CDH7: variants seen among roughly 807,000 people sequenced by gnomAD.
CDH7 encodes the protein cadherin 7.
Under a neutral mutation model 71.8 loss-of-function variants are expected in CDH7, and 25 were observed. That is an observed-to-expected ratio of 0.35 (90% confidence interval 0.25 to 0.49). CDH7 has a LOEUF of 0.49. CDH7 is among the 20% of genes least tolerant of loss of function. The probability of loss-of-function intolerance (pLI) is 0.99; values close to 1 mark genes in which losing one functional copy is unlikely to be tolerated. For synonymous variants in CDH7, 381 were observed against 363.8 expected (o/e 1.05, Z -0.54); for missense variants, 862 against 974.6 (o/e 0.88, Z 1.54).
chr18:65,799,779 CA>C, intron 2 of CDH7, among the ~76,000 whole-genome samples: 1 of 152,240 alleles, frequency 6.6e-6, no homozygotes, highest in South Asian at 2.1e-4. Flanking sequence ...GAATACTCCC[CA>C]AATTAGCTTC....
chr18:65,773,268 T>G (rs1916598351), intron 2 of CDH7, among the ~76,000 whole-genome samples: 1 of 152,178 alleles, frequency 6.6e-6, no homozygotes, highest in Non-Finnish European at 1.5e-5. Context: ...TCACAGGTAA[T>G]GATTTTATCA....
chr18:65,841,895 CA>C, intron 6 of CDH7, among the ~76,000 whole-genome samples: 1 of 151,866 alleles, frequency 6.6e-6, no homozygotes, highest in East Asian at 1.9e-4. Flanking sequence ...AATAAACAAA[CA>C]AAAAATGTTA....
At chr18:65,855,807 C>G (rs891108529) in intron 7 of CDH7, among the ~76,000 whole-genome samples, 3 of 152,064 alleles carry the variant, frequency 2.0e-5, no homozygotes, top group Admixed American at 2.0e-4. Flanking sequence ...AAACTTTGAT[C>G]AAGACTTTCA....
intron 11 of CDH7, chr18:65,864,213 A>T (rs1226230147): frequency 6.6e-6 from 1 of 152,200 alleles, no homozygotes; most frequent in Non-Finnish European, 1.5e-5. Flanking sequence ...TTAAAGTTTG[A>T]AAAAGGTAGA....
intron 2 of CDH7, among the ~76,000 whole-genome samples, chr18:65,767,782 T>G (rs1444766072): frequency 6.6e-6 from 1 of 152,342 alleles, no homozygotes; most frequent in South Asian, 2.1e-4. Flanking sequence ...TTTTTAGAAA[T>G]ACTTCTTGGC....
rs150984865 is a variant in CDH7 at position 65,806,268 on chromosome 18, C to T, written c.211-3436C>T. ...CTAGATTCAGCTAAGGATTCTATGC[C>T]TCTCACTTTTTGTGCTCATTTGAAA... On this transcript the variant is annotated intron_variant, in intron 2 of 11. Transcript: ENST00000397968. 3.9e-3 allele frequency among the ~76,000 whole-genome samples: 582 copies of T among 150,320 alleles called. 6 individuals are homozygous for T. Among genetic ancestry groups the T allele is most frequent in the African/African-American group, 8.1e-3 (329 of 40,702 alleles).
At chr18:65,865,783 G>A (rs552288687) in intron 11 of CDH7, 58 of 152,268 alleles carry the variant, frequency 3.8e-4, no homozygotes, top group African/African-American at 1.3e-3. Flanking sequence ...TTCACAGGGG[G>A]TGCATGTGGG....
chr18:65,755,408 T>G (rs1049441339), intron 1 of CDH7, among the ~76,000 whole-genome samples: 1 of 152,196 alleles, frequency 6.6e-6, no homozygotes. Context: ...GCAGCAGAAT[T>G]TGAAGATTTT....
intron 2 of CDH7, among the ~76,000 whole-genome samples, chr18:65,781,980 C>CTT (rs1215921566): frequency 2.8e-5 from 2 of 70,912 alleles, no homozygotes; most frequent in African/African-American, 1.0e-4. Flanking sequence ...CTCTCTCTCT[C>CTT]TCTCTCTTTC....
At chr18:65,841,528 A>G (rs116257244) in intron 6 of CDH7, among the ~76,000 whole-genome samples, 1,530 of 152,312 alleles carry the variant, frequency 0.01, 26 homozygotes, top group African/African-American at 0.035. Flanking sequence ...TCTTATAGTT[A>G]GTAATTTTTA....
At position 65,837,293 on chromosome 18, in the gene CDH7, C is replaced by T. The variant is rs1420396261; in HGVS notation, c.982-6519C>T. Among the ~76,000 whole-genome samples the T allele has an allele frequency of 5.9e-5, 9 of 152,234 alleles. No individual in the cohort carries two copies. In the East Asian group the frequency reaches 1.7e-3, roughly 29 times the overall value. On this transcript the variant is annotated intron_variant, in intron 6 of 11. Transcript: ENST00000397968. ...AGAAACGAGACTCAGTCCAAACTCA[C>T]CTTGGCTAAAGCAAAGGGCTGCAGA...
intron 6 of CDH7, among the ~76,000 whole-genome samples, chr18:65,836,969 G>A (rs1912551951): frequency 6.6e-6 from 1 of 152,128 alleles, no homozygotes; most frequent in African/African-American, 2.4e-5. Context: ...TGGCTGCAGA[G>A]AATACACAGA....
intron 11 of CDH7, among the ~76,000 whole-genome samples, chr18:65,874,422 A>C (rs1914014154): frequency 6.6e-6 from 1 of 151,974 alleles, no homozygotes; most frequent in African/African-American, 2.4e-5. Context: ...TAGCCTTAGA[A>C]AGCCAAATAC....
At chr18:65,869,059 G>A (rs1184684619) in intron 11 of CDH7, among the ~76,000 whole-genome samples, 2 of 151,996 alleles carry the variant, frequency 1.3e-5, no homozygotes, top group Non-Finnish European at 2.9e-5. Context: ...TTTCCTGATT[G>A]AATACCCACT....
chr18:65,826,464 C>T lies in CDH7; in HGVS notation c.981+1633C>T, dbSNP rs905309936. Among the ~76,000 whole-genome samples the T allele has an allele frequency of 5.3e-5, 8 of 151,264 alleles. No individual in the cohort carries two copies. The East Asian group carries it at 1.5e-3, about 29-fold the overall frequency. ...ATCATATTAAGGAATTTTCATCCAT[C>T]ATTGTAGTAATGTGGAGATGTTGTT... On this transcript the variant is annotated intron_variant, in intron 6 of 11. Transcript: ENST00000397968.
At chr18:65,860,648 A>T (rs890211665) in intron 10 of CDH7, among the ~76,000 whole-genome samples, 1 of 152,164 alleles carries the variant, frequency 6.6e-6, no homozygotes, top group East Asian at 1.9e-4. Context: ...AGCATGGAAA[A>T]TATCTATTTT....
chr18:65,793,623 A>G lies in CDH7; in HGVS notation c.211-16081A>G, dbSNP rs28620813. ...TGGTGGTGATTATAAGTTGCCTAGA[A>G]CATCTCATCACACTGTACTAATCAC... On this transcript the variant is annotated intron_variant, in intron 2 of 11. Coordinates refer to ENST00000397968, the MANE Select transcript of CDH7 (RefSeq NM_004361.5). Among the ~76,000 whole-genome samples the G allele has an allele frequency of 5.7e-3, 866 of 152,282 alleles. 10 individuals carry two copies. Among genetic ancestry groups the G allele is most frequent in the African/African-American group, 0.02 (837 of 41,566 alleles).
At chr18:65,804,745 AG>A (rs1911254555) in intron 2 of CDH7, among the ~76,000 whole-genome samples, 1 of 137,198 alleles carries the variant, frequency 7.3e-6, no homozygotes, top group African/African-American at 2.7e-5. Context: ...AGAGAGAAAA[AG>A]GGAGAGAGAA....
rs1200187887 is a variant in CDH7 at position 65,882,289 on chromosome 18, C to T, written c.*1395C>T. On this transcript the variant is annotated 3_prime_UTR_variant, in exon 12 of 12. Transcript: ENST00000397968. ...GCTTGTTAGAGTATGACTTTCATGA[C>T]CAAAATGATGTTTCTACCTATTATT... is the stretch of plus-strand genomic sequence containing the variant. 6.6e-6 allele frequency: 1 copy of T among 152,030 alleles called. No homozygotes were observed. The highest frequency in any genetic ancestry group is 1.5e-5 in the Non-Finnish European group (1 of 67,958). The allele number at this position is 152,030 out of a possible 1,614,324, so 9.4% of individuals were successfully genotyped here.
Sources: allele counts gnomAD v4.1 joint callset (sites outside exome capture counted in the v4.1 genomes callset), GRCh38; gene constraint gnomAD v4.1.1; transcripts MANE v1.5; gene names NCBI Gene and HGNC (gene_info 2026-07-23, HGNC 2026-07-21).